NWD2: variants seen among roughly 807,000 people sequenced by gnomAD.
NWD2 encodes the protein NACHT and WD repeat domain containing 2.
In NWD2, 37 loss-of-function variants were observed where a neutral mutation model predicts 132.7. The ratio of observed to expected loss-of-function variants is 0.28; its 90% CI spans 0.21 to 0.37. The LOEUF (loss-of-function observed/expected upper bound fraction) is 0.37. Ranked by LOEUF, NWD2 falls within the 10% of genes least tolerant of loss-of-function variation. NWD2 has a pLI of 1.00. For synonymous variants in NWD2, 705 were observed against 803.0 expected (o/e 0.88, Z 2.06); for missense variants, 1,592 against 2,122.4 (o/e 0.75, Z 4.91).
intron 2 of NWD2, among the ~76,000 whole-genome samples, chr4:37,339,036 A>C (rs986986235): frequency 6.6e-6 from 1 of 152,192 alleles, no homozygotes; most frequent in Non-Finnish European, 1.5e-5. Flanking sequence ...AGTGAAATGC[A>C]TGTCTCTTTG....
intron 2 of NWD2, among the ~76,000 whole-genome samples, chr4:37,334,955 C>A (rs1350662016): frequency 1.3e-5 from 2 of 152,146 alleles, no homozygotes; most frequent in African/African-American, 4.8e-5. Flanking sequence ...GTTACCTTGA[C>A]TGTTGCCATG....
intron 3 of NWD2, among the ~76,000 whole-genome samples, chr4:37,363,932 G>A (rs1352857827): frequency 1.3e-5 from 2 of 150,824 alleles, no homozygotes; most frequent in Non-Finnish European, 2.9e-5. Context: ...GACCAGCCTG[G>A]CCAACGTGGT....
chr4:37,408,153 G>T (rs1721082097), intron 3 of NWD2, among the ~76,000 whole-genome samples: 1 of 152,126 alleles, frequency 6.6e-6, no homozygotes, highest in African/African-American at 2.4e-5. Flanking sequence ...ATACCCCAGT[G>T]GTGCCTGGAA....
intron 3 of NWD2, among the ~76,000 whole-genome samples, chr4:37,357,818 A>G (rs1165693549): frequency 1.3e-5 from 2 of 152,132 alleles, no homozygotes; most frequent in Non-Finnish European, 2.9e-5. Context: ...GAGATTTGCT[A>G]CTTAAGATAA....
intron 1 of NWD2, among the ~76,000 whole-genome samples, chr4:37,306,257 C>T (rs1364248607): frequency 1.3e-5 from 2 of 151,986 alleles, no homozygotes; most frequent in Non-Finnish European, 2.9e-5. Flanking sequence ...TTCTCAGTAT[C>T]GTTTATCTTT....
chr4:37,270,507 G>A (rs776861208), intron 1 of NWD2, among the ~76,000 whole-genome samples: 8 of 151,660 alleles, frequency 5.3e-5, no homozygotes, highest in Non-Finnish European at 1.2e-4. Flanking sequence ...CAGCTAGGGT[G>A]CATGGCTCCC....
intron 1 of NWD2, among the ~76,000 whole-genome samples, chr4:37,291,133 G>A (rs1274161216): frequency 3.3e-5 from 5 of 152,206 alleles, no homozygotes; most frequent in Middle Eastern, 3.4e-3. Context: ...CTCACTAACA[G>A]GTCATCTCTG....
At chr4:37,309,729 C>A (rs556508524) in intron 1 of NWD2, among the ~76,000 whole-genome samples, 1 of 152,254 alleles carries the variant, frequency 6.6e-6, no homozygotes, top group African/African-American at 2.4e-5. Context: ...GATCTCCTGC[C>A]TTTTCTCACA....
At chr4:37,290,515 T>C (rs775034950) in intron 1 of NWD2, among the ~76,000 whole-genome samples, 3 of 152,128 alleles carry the variant, frequency 2.0e-5, no homozygotes, top group Non-Finnish European at 4.4e-5. Flanking sequence ...TTAGTCCTTC[T>C]GGGAAGTTAT....
chr4:37,265,093 A>G lies in NWD2; in HGVS notation c.151+19875A>G, dbSNP rs954914237. Among the ~76,000 whole-genome samples the G allele has an allele frequency of 2.6e-5, 4 of 152,182 alleles. No individual in the cohort carries two copies. In the East Asian group the frequency reaches 5.8e-4, roughly 22 times the overall value. ...CAGCCTGTACTGTGACTTGATTGTA[A>G]AAAACTCCCCAAAAAGCGCGGGAGG... On this transcript the variant is annotated intron_variant, in intron 1 of 6. Transcript: ENST00000309447.
intron 1 of NWD2, 101 bp from the exon 2 acceptor site, chr4:37,325,835 G>C: frequency 4.5e-6 from 3 of 670,046 alleles, no homozygotes; most frequent in South Asian, 2.0e-5. Flanking sequence ...ACCTCAACTT[G>C]ATTGTATTAC....
At chr4:37,436,074 T>C (rs1227843700) in intron 5 of NWD2, among the ~76,000 whole-genome samples, 4 of 152,126 alleles carry the variant, frequency 2.6e-5, no homozygotes, top group African/African-American at 7.2e-5. Context: ...AATTAGACTC[T>C]AAAATGGTGC....
At chr4:37,395,087 G>A (rs1025829782) in intron 3 of NWD2, among the ~76,000 whole-genome samples, 3 of 151,812 alleles carry the variant, frequency 2.0e-5, no homozygotes, top group Admixed American at 6.6e-5. Context: ...TTACAAGCGT[G>A]AGCCAGTGTG....
chr4:37,392,590 T>C (rs939914578), intron 3 of NWD2, among the ~76,000 whole-genome samples: 2 of 152,124 alleles, frequency 1.3e-5, no homozygotes, highest in Admixed American at 6.5e-5. Flanking sequence ...ATCACTGGTG[T>C]AGATGATGTA....
chr4:37,397,462 A>C (rs949321197), intron 3 of NWD2, among the ~76,000 whole-genome samples: 2 of 152,174 alleles, frequency 1.3e-5, no homozygotes, highest in African/African-American at 2.4e-5. Flanking sequence ...AGGGCTTGAG[A>C]GATAAAGACT....
At chr4:37,345,826 A>C (rs1379352588) in intron 2 of NWD2, among the ~76,000 whole-genome samples, 1 of 152,162 alleles carries the variant, frequency 6.6e-6, no homozygotes, top group Non-Finnish European at 1.5e-5. Context: ...TCATGCCTGT[A>C]ATCGAGCACT....
chr4:37,429,533 C>G lies in NWD2; in HGVS notation c.358-1039C>G, dbSNP rs747007301. Among the ~76,000 whole-genome samples, 307 of 152,128 alleles carry G rather than the reference C, an allele frequency of 2.0e-3. 1 individual carries two copies. The highest frequency in any genetic ancestry group is 3.2e-3 in the Middle Eastern group (1 of 316). Reference sequence around the variant, plus strand: ...GTTTCATCATGTTGGACAGGCTGGTCTTGAGCTCCTGGCCTCAAGTGATCC... The same window carrying G: ...GTTTCATCATGTTGGACAGGCTGGTGTTGAGCTCCTGGCCTCAAGTGATCC... On this transcript the variant is annotated intron_variant, in intron 3 of 6. Coordinates refer to ENST00000309447, the MANE Select transcript of NWD2 (RefSeq NM_001144990.2).
At chr4:37,346,543 G>A (rs192079789) in intron 2 of NWD2, among the ~76,000 whole-genome samples, 8 of 152,192 alleles carry the variant, frequency 5.3e-5, no homozygotes, top group African/African-American at 1.9e-4. Flanking sequence ...GTCAATTTCT[G>A]CAAATAAACC....
chr4:37,413,976 T>TG (rs1225328994), intron 3 of NWD2, among the ~76,000 whole-genome samples: 1 of 149,778 alleles, frequency 6.7e-6, no homozygotes, highest in Non-Finnish European at 1.5e-5. Context: ...TGTCAGGGGG[T>TG]GGGGGGCAAG....
Sources: allele counts gnomAD v4.1 joint callset (sites outside exome capture counted in the v4.1 genomes callset), GRCh38; gene constraint gnomAD v4.1.1; transcripts MANE v1.5; gene names NCBI Gene and HGNC (gene_info 2026-07-23, HGNC 2026-07-21).